KCTD3: variants seen among roughly 807,000 people sequenced by gnomAD.
KCTD3 encodes BTB/POZ domain-containing protein KCTD3.
KCTD3 carries 41 observed loss-of-function variants against 85.8 expected under a neutral mutation model. That is an observed-to-expected ratio of 0.48 (90% CI 0.37 to 0.62). KCTD3 has a LOEUF of 0.62. KCTD3 is among the 20% of genes least tolerant of loss of function. The pLI, the probability that KCTD3 is intolerant of heterozygous loss-of-function variation, is 0.00. For synonymous variants in KCTD3, 338 were observed against 345.4 expected, an observed-to-expected ratio of 0.98 and a Z score of 0.24; for missense variants, 724 against 989.9, an observed-to-expected ratio of 0.73 and a Z score of 3.60.
intron 8 of KCTD3, among the ~76,000 whole-genome samples, chr1:215,583,831 G>A (rs1175692599): frequency 6.6e-6 from 1 of 152,130 alleles, no homozygotes; most frequent in Non-Finnish European, 1.5e-5. Context: ...TGTCAGTATG[G>A]TGAGAACTCT....
At chr1:215,590,591 TC>T (rs773029286) in intron 9 of KCTD3, among the ~76,000 whole-genome samples, 2 of 152,320 alleles carry the variant, frequency 1.3e-5, no homozygotes, top group Non-Finnish European at 2.9e-5. Flanking sequence ...ACCTTTAATG[TC>T]TTTTATACTT....
rs1041202240 is a variant in KCTD3 at position 215,567,582 on chromosome 1, C to A, written c.-104C>A. On this transcript the variant is annotated 5_prime_UTR_variant, in exon 1 of 18. Coordinates refer to ENST00000259154, the MANE Select transcript of KCTD3 (RefSeq NM_016121.5). ...ACCCCCCGCCCTCCGGCCGCCGCCG[C>A]CCCGCTGGCCCTGCAGCCGTCGCCG... 3.2e-6 allele frequency: 2 copies of A among 625,728 alleles called. No homozygotes were observed. Among genetic ancestry groups the A allele is most frequent in the African/African-American group, 3.8e-5 (2 of 52,358 alleles). The allele number at this position is 625,728 out of a possible 1,614,324, so 38.8% of individuals were successfully genotyped here.
intron 8 of KCTD3, chr1:215,581,172 G>T: frequency 4.1e-6 from 1 of 245,554 alleles, no homozygotes; most frequent in Non-Finnish European, 8.3e-6. Flanking sequence ...CTTGAACCCA[G>T]GAGGTGGGGG....
chr1:215,601,412 T>C (rs1654829520), intron 10 of KCTD3, among the ~76,000 whole-genome samples: 2 of 152,190 alleles, frequency 1.3e-5, no homozygotes, highest in Admixed American at 6.5e-5. Context: ...AGGGAGCAAG[T>C]ACTTTCTGGA....
At chr1:215,612,949 G>A (rs1655284651) in intron 15 of KCTD3, among the ~76,000 whole-genome samples, 1 of 152,044 alleles carries the variant, frequency 6.6e-6, no homozygotes, top group Non-Finnish European at 1.5e-5. Flanking sequence ...TGGACACATG[G>A]AAGGGAACAA....
intron 9 of KCTD3, among the ~76,000 whole-genome samples, chr1:215,595,033 G>C (rs754727606): frequency 6.6e-5 from 10 of 152,146 alleles, no homozygotes; most frequent in Non-Finnish European, 1.2e-4. Flanking sequence ...TGGATCCCAG[G>C]ATCCTTTTTG....
Position 215,579,084 on chromosome 1 carries a change from G to C in KCTD3, c.482G>C (p.Gly161Ala). The C allele has an allele frequency of 6.2e-7, 1 of 1,600,456 alleles. No individual in the cohort carries two copies. The highest frequency in any genetic ancestry group is 8.5e-7 in the Non-Finnish European group (1 of 1,175,764). Residue 161 changes from glycine to alanine, a missense_variant, in exon 7 of 18, where the codon GGA becomes GCA. Gly to Ala is a moderately conservative substitution (Grantham distance 60, BLOSUM62 0). Around this residue, in one of 6 missense-constraint regions of KCTD3, gnomAD observed 106 missense variants for 98.2 expected, o/e 1.08. Transcript: ENST00000259154. The stretch of plus-strand genomic sequence containing the variant: ...AATTCTACAGAAGGTGAAGCCCGGG[G>C]AAATGGTACACAGCCTGTTCTCTCT... ...GLNSTEGEAR[G>A]NGTQPVLSGT...
At chr1:215,605,346 T>C (rs1257827128) in intron 13 of KCTD3, among the ~76,000 whole-genome samples, 1 of 152,152 alleles carries the variant, frequency 6.6e-6, no homozygotes, top group Non-Finnish European at 1.5e-5. Context: ...GGTATAAGTA[T>C]GCCTTGCTAA....
At position 215,567,706 on chromosome 1, in the gene KCTD3, C is replaced by T. The variant is rs1385478562; in HGVS notation, c.21C>T (p.Gly7=). 2 of 1,242,070 alleles carry T rather than the reference C, an allele frequency of 1.6e-6. No homozygotes were observed. Among genetic ancestry groups the T allele is most frequent in the African/African-American group, 1.6e-5 (1 of 64,464 alleles). The allele number at this position is 1,242,070 out of a possible 1,614,324, so 76.9% of individuals were successfully genotyped here. A position where few individuals can be genotyped will look rare whatever the true frequency, so the allele number is the denominator to read the frequency against. Reference sequence around the variant, plus strand: ...CGGAGATGGCGGGAGGGCACTGCGGCAGCTTCCCCGCGGCGGCGGCCGGCA... The same window carrying T: ...CGGAGATGGCGGGAGGGCACTGCGGTAGCTTCCCCGCGGCGGCGGCCGGCA... The part of the protein sequence containing the change: MAGGHC[G]SFPAAAAGSG... Residue 7 remains glycine, a synonymous_variant, in exon 1 of 18, where the codon GGC becomes GGT. Transcript: ENST00000259154.
At chr1:215,602,585 AC>A (rs1249949333) in intron 12 of KCTD3, among the ~76,000 whole-genome samples, 1 of 152,134 alleles carries the variant, frequency 6.6e-6, no homozygotes, top group African/African-American at 2.4e-5. Context: ...ACTGCTGGAA[AC>A]TAAGCTTATT....
Position 215,567,573 on chromosome 1 carries a change from C to T in KCTD3, c.-113C>T. On this transcript the variant is annotated 5_prime_UTR_variant, in exon 1 of 18. Transcript: ENST00000259154. ...GCCCCGTGCACCCCCCGCCCTCCGG[C>T]CGCCGCCGCCCCGCTGGCCCTGCAG... 1.9e-6 allele frequency: 1 copy of T among 512,890 alleles called. No homozygotes were observed. The highest frequency in any genetic ancestry group is 2.8e-6 in the Non-Finnish European group (1 of 350,932). 31.8% of individuals were successfully genotyped at this position (512,890 alleles called of 1,614,324 possible). A position where few individuals can be genotyped will look rare whatever the true frequency, so the allele number is the denominator to read the frequency against.
Position 215,579,022 on chromosome 1 carries a change from C to G in KCTD3, c.420C>G (p.Asn140Lys), listed in dbSNP as rs1307182936. ...PPPGIPSRKI[N>K]NTVRSADSRN... is the part of the protein sequence containing the mutation. ...TAGGTATTCCTAGTCGTAAAATAAA[C>G]AACACAGTCAGATCTGCTGATTCTA... The change falls in exon 7 of 18, where the codon AAC (asparagine) becomes AAG (lysine). Residue 140 changes from asparagine (N) to lysine (K), a missense_variant. Physicochemically the swap from Asn to Lys is moderately conservative, Grantham distance 94 (BLOSUM62 0). This residue lies in a region of KCTD3 where 106 missense variants were observed against 98.2 expected (regional missense o/e 1.08). Coordinates refer to ENST00000259154, the MANE Select transcript of KCTD3 (RefSeq NM_016121.5). 1 of 1,561,180 alleles carries G rather than the reference C, an allele frequency of 6.4e-7. No individual in the cohort carries two copies. The highest frequency in any genetic ancestry group is 2.4e-5 in the East Asian group (1 of 41,764).
At chr1:215,616,034 A>G (rs951188362) in intron 15 of KCTD3, among the ~76,000 whole-genome samples, 2 of 152,172 alleles carry the variant, frequency 1.3e-5, no homozygotes, top group African/African-American at 2.4e-5. Context: ...AGATAGGGAC[A>G]TGTTAGGGTA....
intron 9 of KCTD3, among the ~76,000 whole-genome samples, chr1:215,593,231 G>A (rs969759513): frequency 2.0e-5 from 3 of 152,098 alleles, no homozygotes; most frequent in African/African-American, 7.2e-5. Context: ...TCTGGGCAAC[G>A]GACTTAGCTT....
At chr1:215,575,770 A>G (rs1185560266) in intron 3 of KCTD3, 131 bp from the exon 4 acceptor site, 1 of 562,572 alleles carries the variant, frequency 1.8e-6, no homozygotes, top group African/African-American at 2.0e-5. Context: ...TAGAAACATT[A>G]AAGTTTAAGA....
rs139767647 is a variant in KCTD3 at position 215,604,262 on chromosome 1, C to T, written c.1269C>T (p.Pro423=). The T allele has an allele frequency of 2.9e-5, 46 of 1,613,588 alleles. No homozygotes were observed. The highest frequency in any genetic ancestry group is 1.2e-4 in the Admixed American group (7 of 59,960). The change falls in exon 13 of 18, where the codon CCC becomes CCT. Residue 423 remains proline, a synonymous_variant. Transcript: ENST00000259154. ...LFQTFTVHRS[P]VTKIMLSEKH... is the part of the protein sequence containing the mutation. ...AGACTTTCACAGTTCACCGAAGTCC[C>T]GTAACAAAAATCATGCTATCAGAGA...
Position 215,586,603 on chromosome 1 carries a change from C to T in KCTD3, c.735C>T (p.Asp245=), listed in dbSNP as rs1660018985. 5 of 1,613,998 alleles carry T rather than the reference C, an allele frequency of 3.1e-6. No homozygotes were observed. The highest frequency in any genetic ancestry group is 4.2e-6 in the Non-Finnish European group (5 of 1,179,994). The part of the protein sequence containing the change: ...NAKVVGGPHG[D]KDKMVAVASE... ...AGGTGGTTGGAGGGCCACATGGAGACAAAGACAAAATGGTTGCTGTTGCCT... is the reference window on the plus strand; with the variant it reads ...AGGTGGTTGGAGGGCCACATGGAGATAAAGACAAAATGGTTGCTGTTGCCT... The change falls in exon 9 of 18, where the codon GAC becomes GAT. Residue 245 remains aspartate, a synonymous_variant. Coordinates refer to ENST00000259154, the MANE Select transcript of KCTD3 (RefSeq NM_016121.5).
At position 215,574,102 on chromosome 1, in the gene KCTD3, G is replaced by C; in HGVS notation, c.167G>C (p.Arg56Pro). 6 of 1,584,064 alleles carry C rather than the reference G, an allele frequency of 3.8e-6. No homozygotes were observed. Among genetic ancestry groups the C allele is most frequent in the Non-Finnish European group, 5.2e-6 (6 of 1,159,112 alleles). The change falls in exon 3 of 18, where the codon CGA (arginine) becomes CCA (proline). Residue 56 changes from arginine to proline, a missense_variant. Physicochemically the swap from Arg to Pro is moderately radical, Grantham distance 103. Coordinates refer to ENST00000259154, the MANE Select transcript of KCTD3 (RefSeq NM_016121.5). ...SLLSGRISTL[R>P]DETGAIFIDR... ...CTGAGTGGGAGAATTTCAACACTTC[G>C]AGATGAAACTGGTGCTGTGAGTATA...
intron 1 of KCTD3, among the ~76,000 whole-genome samples, chr1:215,568,615 A>G (rs1234873950): frequency 2.0e-5 from 3 of 151,738 alleles, no homozygotes; most frequent in Non-Finnish European, 2.9e-5. Flanking sequence ...GCTGTTTGAA[A>G]GAAGGATTAG....
Sources: allele counts gnomAD v4.1 joint callset (sites outside exome capture counted in the v4.1 genomes callset), GRCh38; gene constraint gnomAD v4.1.1; regional missense constraint gnomAD v4.1.1; transcripts MANE v1.5; gene names NCBI Gene and HGNC (gene_info 2026-07-23, HGNC 2026-07-21).